ZAP70: variants seen among roughly 807,000 people sequenced by gnomAD.
ZAP70 encodes zeta chain of T cell receptor associated protein kinase 70, also known as tyrosine-protein kinase ZAP-70.
A neutral mutation model predicts 65.8 loss-of-function variants in ZAP70; 27 were observed. That is an observed-to-expected ratio of 0.41 (90% confidence interval 0.30 to 0.57). The LOEUF is 0.57. Ranked by LOEUF, ZAP70 falls within the 20% of genes least tolerant of loss-of-function variation. The pLI is 0.28. For synonymous variants in ZAP70, 363 were observed against 360.8 expected (o/e 1.01, Z -0.07); for missense variants, 696 against 870.5 (o/e 0.80, Z 2.52).
In ZAP70 at chr2:97,739,603, A is replaced by G. The variant is rs200278181; in HGVS notation, c.*105A>G. 11 of 1,488,738 alleles carry G rather than the reference A, an allele frequency of 7.4e-6. No individual in the cohort carries two copies. In the South Asian group the frequency reaches 1.4e-4, roughly 19 times the overall value. The allele number at this position is 1,488,738 out of a possible 1,614,324, so 92.2% of individuals were successfully genotyped here. ...GCCCTGCTTGGTTGTCTCCACACAC[A>G]GCTGGGCTGTGGTAGGGGGTGTCTC... On this transcript the variant is annotated 3_prime_UTR_variant, in exon 14 of 14. Coordinates refer to ENST00000264972, the MANE Select transcript of ZAP70 (RefSeq NM_001079.4).
At chr2:97,745,117 C>T in the ZAP70 span, among the ~76,000 whole-genome samples, 1 of 152,240 alleles carries the variant, frequency 6.6e-6, no homozygotes, top group South Asian at 2.1e-4. Flanking sequence ...CGGCTCACTA[C>T]AATCTCTGCC....
At chr2:97,755,007 G>A in the ZAP70 span, among the ~76,000 whole-genome samples, 4 of 152,300 alleles carry the variant, frequency 2.6e-5, no homozygotes, top group African/African-American at 4.8e-5. Context: ...TCACAATCAC[G>A]CCAAATAACA....
intron 2 of ZAP70, among the ~76,000 whole-genome samples, chr2:97,717,226 C>T (rs1186737398): frequency 7.1e-6 from 1 of 141,006 alleles, no homozygotes; most frequent in Non-Finnish European, 1.5e-5. Context: ...GAGAGAGAGC[C>T]AGGAGCTGGA....
chr2:97,752,627 C>A, the ZAP70 span, among the ~76,000 whole-genome samples: 19 of 152,214 alleles, frequency 1.2e-4, no homozygotes, highest in Non-Finnish European at 2.5e-4. Flanking sequence ...ATTTGAATGA[C>A]CTTTTACTAT....
rs372103325 is a variant in ZAP70 at position 97,725,232 on chromosome 2, G to A, written c.543G>A (p.Ala181=). Residue 181 remains alanine, a synonymous_variant, in exon 4 of 14, where the codon GCG becomes GCA. Transcript: ENST00000264972. ...CCGAGCGCAAACTTTACTCTGGGGC[G>A]CAGACCGACGGCAAGTTCCTGTATG... ...EEAERKLYSG[A]QTDGKFLLRP... 10 of 1,613,560 alleles carry A rather than the reference G, an allele frequency of 6.2e-6. No homozygotes were observed. The highest frequency in any genetic ancestry group is 1.3e-5 in the African/African-American group (1 of 74,914).
At chr2:97,734,239 A>G (rs1677745559) in intron 8 of ZAP70, 6 of 785,558 alleles carry the variant, frequency 7.6e-6, no homozygotes, top group Non-Finnish European at 1.1e-5. Context: ...ATGCACACAC[A>G]TGCACACCCC....
the ZAP70 span, among the ~76,000 whole-genome samples, chr2:97,747,946 C>A: frequency 1.4e-5 from 2 of 146,432 alleles, no homozygotes. Context: ...AATGCAGACA[C>A]TTCCCAGGAA....
intron 4 of ZAP70, among the ~76,000 whole-genome samples, chr2:97,729,183 C>A (rs931765819): frequency 6.6e-6 from 1 of 152,208 alleles, no homozygotes; most frequent in Non-Finnish European, 1.5e-5. Context: ...CATGGTTGGT[C>A]CTGAACCTCG....
the ZAP70 span, among the ~76,000 whole-genome samples, chr2:97,745,902 CCAAATGTCCATCAAATGATG>C: frequency 6.6e-6 from 1 of 152,190 alleles, no homozygotes; most frequent in African/African-American, 2.4e-5. Context: ...TTGAAACAAC[CCAAATGTCCATCAAATGATG>C]AATGGATAAA....
At chr2:97,749,506 G>C in the ZAP70 span, among the ~76,000 whole-genome samples, 1 of 152,214 alleles carries the variant, frequency 6.6e-6, no homozygotes, top group African/African-American at 2.4e-5. Context: ...TGACTGTCAG[G>C]GGTCAGGTCT....
chr2:97,722,273 G>C (rs1316675654), intron 2 of ZAP70, among the ~76,000 whole-genome samples: 4 of 151,784 alleles, frequency 2.6e-5, no homozygotes, highest in Non-Finnish European at 5.9e-5. Context: ...GTGGAGACGG[G>C]GTTTCACCAT....
chr2:97,729,580 A>G (rs1228342760), intron 4 of ZAP70, among the ~76,000 whole-genome samples: 1 of 152,146 alleles, frequency 6.6e-6, no homozygotes, highest in Non-Finnish European at 1.5e-5. Context: ...TTTTGTTTAC[A>G]ATCGTGAACC....
At chr2:97,717,135 C>G (rs548063319) in intron 2 of ZAP70, among the ~76,000 whole-genome samples, 1 of 152,176 alleles carries the variant, frequency 6.6e-6, no homozygotes, top group Admixed American at 6.5e-5. Flanking sequence ...ACAGGCGGCC[C>G]GAGCACAGCT....
chr2:97,737,463 G>A lies in ZAP70; in HGVS notation c.1290-10G>A, dbSNP rs200712258. 1.2e-5 allele frequency: 19 copies of A among 1,613,820 alleles called. No individual in the cohort carries two copies. Among genetic ancestry groups the A allele is most frequent in the African/African-American group, 2.7e-5 (2 of 74,872 alleles). Reference sequence around the variant, plus strand: ...TCTCCCAGCTGACCCCGCCTTCCCCGCCACCCCAGGGAGGAGATCCCTGTG... The same window carrying A: ...TCTCCCAGCTGACCCCGCCTTCCCCACCACCCCAGGGAGGAGATCCCTGTG... On this transcript the variant is annotated splice_polypyrimidine_tract_variant and intron_variant, in intron 10 of 13. Transcript: ENST00000264972. This position sits in a 1 kb window ranked among gnomAD's most constrained non-coding sequence, Gnocchi z 5.0.
downstream of ZAP70, chr2:97,739,917 A>G: frequency 4.6e-6 from 1 of 216,794 alleles, no homozygotes; most frequent in South Asian, 7.2e-5. Flanking sequence ...GGGGTGGGTT[A>G]TGAAAAGTGC....
the ZAP70 span, among the ~76,000 whole-genome samples, chr2:97,748,679 G>A: frequency 6.6e-6 from 1 of 152,218 alleles, no homozygotes; most frequent in African/African-American, 2.4e-5. Flanking sequence ...TGCTAGCTGG[G>A]CGGGGTTCCC....
chr2:97,716,818 A>G (rs1270147011), intron 2 of ZAP70, among the ~76,000 whole-genome samples: 1 of 151,904 alleles, frequency 6.6e-6, no homozygotes, highest in African/African-American at 2.4e-5. Context: ...TCAAGCAGAG[A>G]AGAGGATGTG....
At chr2:97,747,701 C>T in the ZAP70 span, among the ~76,000 whole-genome samples, 9 of 149,158 alleles carry the variant, frequency 6.0e-5, no homozygotes. Flanking sequence ...AAGCAGTGAG[C>T]TTTATACTCT....
At chr2:97,747,368 G>C in the ZAP70 span, among the ~76,000 whole-genome samples, 1 of 152,218 alleles carries the variant, frequency 6.6e-6, no homozygotes, top group Non-Finnish European at 1.5e-5. Flanking sequence ...ATACACGGAA[G>C]CCTTATTCAG....
Sources: allele counts gnomAD v4.1 joint callset (sites outside exome capture counted in the v4.1 genomes callset), GRCh38; gene constraint gnomAD v4.1.1; non-coding constraint Gnocchi (gnomAD v3.1); transcripts MANE v1.5; gene names NCBI Gene and HGNC (gene_info 2026-07-23, HGNC 2026-07-21).